Variants in MTDH observed in about 807,000 individuals in gnomAD.
MTDH encodes the protein metadherin, also known as protein LYRIC.
In MTDH, 34 loss-of-function variants were observed where a neutral mutation model predicts 72.7. The ratio of observed to expected loss-of-function variants is 0.47; its 90% CI spans 0.36 to 0.62. The LOEUF (loss-of-function observed/expected upper bound fraction) is 0.62, where lower values mean the gene tolerates loss of function less well. Among genes scored for constraint, MTDH ranks in the 20% least tolerant of loss-of-function variants. The pLI, the probability that MTDH is intolerant of heterozygous loss-of-function variation, is 0.00. For synonymous variants in MTDH, 266 were observed against 268.9 expected, an observed-to-expected ratio of 0.99 and a Z score of 0.10; for missense variants, 677 against 699.4, an observed-to-expected ratio of 0.97 and a Z score of 0.36.
chr8:97,707,793 G>A (rs1814425531), intron 8 of MTDH, among the ~76,000 whole-genome samples: 1 of 151,666 alleles, frequency 6.6e-6, no homozygotes, highest in Non-Finnish European at 1.5e-5. Flanking sequence ...ACACCTGGTA[G>A]TCCCAGCTAT....
At chr8:97,677,983 C>A (rs1812924757) in intron 2 of MTDH, among the ~76,000 whole-genome samples, 1 of 152,180 alleles carries the variant, frequency 6.6e-6, no homozygotes, top group East Asian at 1.9e-4. Context: ...AATCAAAATG[C>A]ATTCATTCAT....
intron 1 of MTDH, among the ~76,000 whole-genome samples, chr8:97,656,327 A>C (rs1225516859): frequency 7.6e-6 from 1 of 131,154 alleles, no homozygotes; most frequent in Non-Finnish European, 1.6e-5. Flanking sequence ...TTTTTTTGAG[A>C]CAGAGACTCG....
chr8:97,706,686 A>G lies in MTDH; in HGVS notation c.1208A>G (p.Asn403Ser). 1 of 1,613,918 alleles carries G rather than the reference A, an allele frequency of 6.2e-7. No homozygotes were observed. The highest frequency in any genetic ancestry group is 8.5e-7 in the Non-Finnish European group (1 of 1,179,878). Residue 403 changes from asparagine (N) to serine (S), a missense_variant, in exon 8 of 12, where the codon AAT becomes AGT. Transcript: ENST00000336273. ...DWNAPAEEWG[N>S]WVDEERASLL... ...AATGCACCAGCAGAAGAGTGGGGCA[A>G]TTGGGTAGACGAAGAAAGAGCTTCA...
chr8:97,678,225 A>C (rs1434927574), intron 2 of MTDH, among the ~76,000 whole-genome samples: 1 of 152,206 alleles, frequency 6.6e-6, no homozygotes, highest in Non-Finnish European at 1.5e-5. Context: ...CACTTATTTA[A>C]CTTTTTTGAA....
chr8:97,707,349 C>T (rs1814396803), intron 8 of MTDH, among the ~76,000 whole-genome samples: 1 of 151,256 alleles, frequency 6.6e-6, no homozygotes, highest in Admixed American at 6.6e-5. Flanking sequence ...GGGATTTCAC[C>T]ATGTTGGCAA....
At chr8:97,716,062 A>G (rs1056180584) in intron 9 of MTDH, among the ~76,000 whole-genome samples, 5 of 152,070 alleles carry the variant, frequency 3.3e-5, no homozygotes, top group African/African-American at 1.2e-4. Context: ...ATGAAGTTCT[A>G]TGCTGAGTAC....
Position 97,686,701 on chromosome 8 carries a change from G to A in MTDH, c.517G>A (p.Ala173Thr). The change falls in exon 3 of 12, where the codon GCT (alanine) becomes ACT (threonine). Residue 173 changes from alanine (A) to threonine (T), a missense_variant. This residue lies in a region of MTDH where 467 missense variants were observed against 469.1 expected (regional missense o/e 1.00). Coordinates refer to ENST00000336273, the MANE Select transcript of MTDH (RefSeq NM_178812.4). ...AAATAAGAAGAAATCAAAGTCAGATGCTAAAGCAGTGCAAAACAGTTCACG... is the reference window on the plus strand; with the variant it reads ...AAATAAGAAGAAATCAAAGTCAGATACTAAAGCAGTGCAAAACAGTTCACG... ...KKNKKKSKSDAKAVQNSSRHD... is the reference protein window; with the variant it reads ...KKNKKKSKSDTKAVQNSSRHD... The A allele has an allele frequency of 6.3e-7, 1 of 1,592,850 alleles. No individual in the cohort carries two copies. The highest frequency in any genetic ancestry group is 8.5e-7 in the Non-Finnish European group (1 of 1,170,218).
intron 6 of MTDH, among the ~76,000 whole-genome samples, chr8:97,695,434 T>C (rs1813797332): frequency 6.6e-6 from 1 of 152,176 alleles, no homozygotes; most frequent in Non-Finnish European, 1.5e-5. Flanking sequence ...GTAAAAGTTA[T>C]ATAGCATTTC....
intron 1 of MTDH, among the ~76,000 whole-genome samples, chr8:97,648,331 C>T (rs771698389): frequency 4.6e-5 from 7 of 151,646 alleles, no homozygotes; most frequent in Non-Finnish European, 1.5e-5. Flanking sequence ...ATGACATCTA[C>T]CTCAAAGTCT....
intron 1 of MTDH, among the ~76,000 whole-genome samples, chr8:97,647,792 G>A (rs1274535930): frequency 6.6e-6 from 1 of 152,052 alleles, no homozygotes; most frequent in East Asian, 1.9e-4. Context: ...TTGTGGAAAT[G>A]CTTGGGCCAG....
At position 97,691,850 on chromosome 8, in the gene MTDH, G is replaced by A. The variant is rs534401430; in HGVS notation, c.1048+662G>A. Among the ~76,000 whole-genome samples, 186 of 151,848 alleles carry A rather than the reference G, an allele frequency of 1.2e-3. 1 individual carries two copies. Among genetic ancestry groups the A allele is most frequent in the African/African-American group, 4.3e-3 (179 of 41,356 alleles). On this transcript the variant is annotated intron_variant, in intron 6 of 11. Transcript: ENST00000336273. ...CCCTCCCTTTCTCCTGCCCGCAACT[G>A]TATATAGTGTTTTTTGTTGTTTTTT...
At position 97,728,246 on chromosome 8, in the gene MTDH, AAAAC is replaced by A. The variant is rs1285649310; in HGVS notation, c.*3581_*3584del. On this transcript the variant is annotated 3_prime_UTR_variant, in exon 12 of 12. Coordinates refer to ENST00000336273, the MANE Select transcript of MTDH (RefSeq NM_178812.4). The stretch of plus-strand genomic sequence containing the variant: ...ATAAGATGCATTGAGTATTGTAAAT[AAAAC>A]AAACCATTTTTGATTTGTTTAAATT... The A allele has an allele frequency of 5.9e-5, 9 of 152,312 alleles. No homozygotes were observed. The highest frequency in any genetic ancestry group is 4.6e-4 in the Admixed American group (7 of 15,290). The allele number at this position is 152,312 out of a possible 1,614,324, so 9.4% of individuals were successfully genotyped here.
At chr8:97,679,077 A>G (rs904658992) in intron 2 of MTDH, among the ~76,000 whole-genome samples, 3 of 152,198 alleles carry the variant, frequency 2.0e-5, no homozygotes, top group Non-Finnish European at 2.9e-5. Flanking sequence ...GCACGAGTAC[A>G]TGGGATCCAA....
intron 5 of MTDH, among the ~76,000 whole-genome samples, chr8:97,689,523 A>G (rs1252456119): frequency 6.6e-6 from 1 of 151,938 alleles, no homozygotes; most frequent in African/African-American, 2.4e-5. Flanking sequence ...ACAGTCAAGT[A>G]TCAAATATTT....
chr8:97,704,972 G>A (rs983987359), intron 7 of MTDH, among the ~76,000 whole-genome samples: 3 of 152,178 alleles, frequency 2.0e-5, no homozygotes, highest in Admixed American at 2.0e-4. Flanking sequence ...GAATAGAATA[G>A]AAATTGCAGA....
chr8:97,680,164 C>CT (rs1312189748), intron 2 of MTDH, among the ~76,000 whole-genome samples: 1 of 152,158 alleles, frequency 6.6e-6, no homozygotes, highest in Non-Finnish European at 1.5e-5. Context: ...CCTCGACCTC[C>CT]TGGGCTCAAG....
chr8:97,665,031 G>C (rs756658942), intron 2 of MTDH, among the ~76,000 whole-genome samples: 2 of 152,130 alleles, frequency 1.3e-5, no homozygotes, highest in Admixed American at 6.6e-5. Context: ...TAAAGTGCTG[G>C]GATTACAGGC....
chr8:97,723,526 T>A (rs1289831654), intron 11 of MTDH, among the ~76,000 whole-genome samples: 159 of 148,068 alleles, frequency 1.1e-3, no homozygotes, highest in African/African-American at 3.7e-3. Context: ...GGCGGATCAC[T>A]AGGTCAGGAG....
chr8:97,662,373 A>G (rs886440164), intron 2 of MTDH, among the ~76,000 whole-genome samples: 2 of 151,434 alleles, frequency 1.3e-5, no homozygotes, highest in African/African-American at 4.9e-5. Context: ...CTGTCTATGC[A>G]TAGCCCCTTT....
Sources: allele counts gnomAD v4.1 joint callset (sites outside exome capture counted in the v4.1 genomes callset), GRCh38; gene constraint gnomAD v4.1.1; regional missense constraint gnomAD v4.1.1; transcripts MANE v1.5; gene names NCBI Gene and HGNC (gene_info 2026-07-23, HGNC 2026-07-21).